The following UPP1 variants were observed in gnomAD, a reference collection of about 807,000 sequenced individuals.
UPP1 encodes uridine phosphorylase 1.
UPP1 carries 25 observed loss-of-function variants against 29.6 expected under a neutral mutation model. That is an observed-to-expected ratio of 0.85 (90% confidence interval 0.62 to 1.18). The LOEUF is 1.18. UPP1 is among the 50% of genes most tolerant of loss of function. The pLI, the probability that UPP1 is intolerant of heterozygous loss-of-function variation, is 0.00. For synonymous variants in UPP1, 165 were observed against 159.8 expected, an observed-to-expected ratio of 1.03 and a Z score of -0.25; for missense variants, 368 against 410.4, an observed-to-expected ratio of 0.90 and a Z score of 0.89.
In UPP1 at chr7:48,092,227, T is replaced by TA. The variant is rs1791877991; in HGVS notation, c.-22+1864dup. 2.6e-5 allele frequency among the ~76,000 whole-genome samples: 4 copies of TA among 152,222 alleles called. No homozygotes were observed. In the South Asian group the frequency reaches 8.3e-4, roughly 32 times the overall value. ...GCACATTCTTCAGAGGAGCCACTCT[T>TA]ACGGGGGAATGTTCCTGCCCCACAG... On this transcript the variant is annotated intron_variant, in intron 2 of 8. Coordinates refer to ENST00000395564, the MANE Select transcript of UPP1 (RefSeq NM_003364.4).
chr7:48,101,590 G>A (rs1343580830), intron 4 of UPP1, among the ~76,000 whole-genome samples: 3 of 152,294 alleles, frequency 2.0e-5, no homozygotes, highest in Non-Finnish European at 2.9e-5. Flanking sequence ...GGATTCCTGC[G>A]TTTGTGGAGC....
Position 48,107,345 on chromosome 7 carries a change from TCCATGTGTG to T in UPP1, c.647-13_647-5del. ...CTCACATGCATGTGGTTCTCATGTC[TCCATGTGTG>T]CCTCAGGGCAAGGCCGTCTGGATGG... On this transcript the variant is annotated splice_region_variant and splice_polypyrimidine_tract_variant and intron_variant, in intron 7 of 8. Transcript: ENST00000395564. 1 of 1,603,946 alleles carries T rather than the reference TCCATGTGTG, an allele frequency of 6.2e-7. No homozygotes were observed. The highest frequency in any genetic ancestry group is 1.1e-5 in the South Asian group (1 of 90,154).
At chr7:48,100,067 C>T (rs1357828835) in intron 4 of UPP1, among the ~76,000 whole-genome samples, 2 of 152,168 alleles carry the variant, frequency 1.3e-5, no homozygotes, top group Non-Finnish European at 2.9e-5. Flanking sequence ...GAAATGCAGC[C>T]TTAGGTATTT....
intron 3 of UPP1, among the ~76,000 whole-genome samples, chr7:48,098,646 T>A (rs1792253833): frequency 6.6e-6 from 1 of 152,214 alleles, no homozygotes. Flanking sequence ...TTGCCTCTCT[T>A]GTGTCTTTTT....
chr7:48,090,221 G>T lies in UPP1; in HGVS notation c.-165G>T, dbSNP rs1029925603. The T allele has an allele frequency of 6.6e-6, 1 of 152,186 alleles. No homozygotes were observed. The highest frequency in any genetic ancestry group is 1.5e-5 in the Non-Finnish European group (1 of 68,036). The allele number at this position is 152,186 out of a possible 1,614,324, so 9.4% of individuals were successfully genotyped here. A position where few individuals can be genotyped will look rare whatever the true frequency, so the allele number is the denominator to read the frequency against. On this transcript the variant is annotated 5_prime_UTR_variant, in exon 2 of 9. Coordinates refer to ENST00000395564, the MANE Select transcript of UPP1 (RefSeq NM_003364.4). ...GAAGCGAGGAACTCCGCAGCTCGTC[G>T]ACACGTCTCGTCTCCTGTCCCAATT...
upstream of UPP1, chr7:48,088,961 A>T (rs7458962): frequency 0.5 from 75,667 of 152,218 alleles, 19,550 homozygotes; most frequent in South Asian, 0.64. Context: ...CTGTTTAATG[A>T]GTAACAGAAC....
chr7:48,102,918 G>C (rs1792510962), intron 5 of UPP1, among the ~76,000 whole-genome samples: 1 of 152,168 alleles, frequency 6.6e-6, no homozygotes, highest in Non-Finnish European at 1.5e-5. Context: ...AGGGAGAAAA[G>C]AGAAAGGAGA....
intron 1 of UPP1, 47 bp from the exon 2 acceptor site, chr7:48,090,141 T>G (rs2128806586): frequency 6.6e-6 from 1 of 151,918 alleles, no homozygotes; most frequent in East Asian, 1.9e-4. Context: ...GGGAAGGGGG[T>G]CCCTTCACGA....
intron 5 of UPP1, among the ~76,000 whole-genome samples, chr7:48,102,891 T>A (rs1196771800): frequency 6.6e-6 from 1 of 152,178 alleles, no homozygotes; most frequent in African/African-American, 2.4e-5. Flanking sequence ...ACTTAGTTTG[T>A]CTGAAGCAGA....
chr7:48,091,879 G>T (rs1317645109), intron 2 of UPP1, among the ~76,000 whole-genome samples: 1 of 152,186 alleles, frequency 6.6e-6, no homozygotes, highest in East Asian at 1.9e-4. Flanking sequence ...TGTGGCCTTG[G>T]TTTCTCTGGT....
Position 48,101,952 on chromosome 7 carries a change from G to A in UPP1, c.291G>A (p.Met97Ile). Residue 97 changes from methionine to isoleucine, a missense_variant, in exon 5 of 9, where the codon ATG becomes ATA. Coordinates refer to ENST00000395564, the MANE Select transcript of UPP1 (RefSeq NM_003364.4). ...GTGCGGGAACTGACCGCTATGCCAT[G>A]TATAAAGTAGGACCGGTGCTGTCTG... ...NICAGTDRYA[M>I]YKVGPVLSVS... is the part of the protein sequence containing the mutation. 1.2e-6 allele frequency: 2 copies of A among 1,613,978 alleles called. No individual in the cohort carries two copies. The highest frequency in any genetic ancestry group is 1.7e-6 in the Non-Finnish European group (2 of 1,179,942).
Position 48,099,751 on chromosome 7 carries a change from C to T in UPP1, c.126C>T (p.Ser42=), listed in dbSNP as rs766185557. The T allele has an allele frequency of 3.1e-6, 5 of 1,613,482 alleles. No homozygotes were observed. The highest frequency in any genetic ancestry group is 4.2e-6 in the Non-Finnish European group (5 of 1,179,400). The change falls in exon 4 of 9, where the codon AGC becomes AGT. Residue 42 remains serine, a synonymous_variant. Transcript: ENST00000395564. ...TCTATCATTTCAATCTCACCACTAG[C>T]AGACACAATTTCCCAGCCTTGTTTG... is the stretch of plus-strand genomic sequence containing the variant. The part of the protein sequence containing the change: ...DILYHFNLTT[S]RHNFPALFGD...
At chr7:48,107,715 T>C (rs556941799) in intron 8 of UPP1, among the ~76,000 whole-genome samples, 1 of 152,332 alleles carries the variant, frequency 6.6e-6, no homozygotes, top group South Asian at 2.1e-4. Flanking sequence ...AATGCAGGAT[T>C]CTCAGTGACC....
In UPP1 at chr7:48,094,752, T is replaced by G. The variant is rs1245379599; in HGVS notation, c.-21-11T>G. On this transcript the variant is annotated splice_polypyrimidine_tract_variant and intron_variant, in intron 2 of 8. Coordinates refer to ENST00000395564, the MANE Select transcript of UPP1 (RefSeq NM_003364.4). The stretch of plus-strand genomic sequence containing the variant: ...GTGGATTCACTCCATTCTGTGATTT[T>G]TTTTCCTTAGGGTCCTGCCTCAGTT... The G allele has an allele frequency of 6.2e-7, 1 of 1,614,134 alleles. No homozygotes were observed.
Position 48,094,764 on chromosome 7 carries a change from G to T in UPP1, c.-20G>T. The stretch of plus-strand genomic sequence containing the variant: ...CATTCTGTGATTTTTTTTCCTTAGG[G>T]TCCTGCCTCAGTTGGCGGAATGGCG... On this transcript the variant is annotated splice_region_variant and 5_prime_UTR_variant, in exon 3 of 9. Coordinates refer to ENST00000395564, the MANE Select transcript of UPP1 (RefSeq NM_003364.4). 6.2e-7 allele frequency: 1 copy of T among 1,613,862 alleles called. No homozygotes were observed. Among genetic ancestry groups the T allele is most frequent in the East Asian group, 2.2e-5 (1 of 44,872 alleles).
Position 48,101,827 on chromosome 7 carries a change from G to A in UPP1, c.166G>A (p.Val56Met), listed in dbSNP as rs778994375. 5.0e-6 allele frequency: 8 copies of A among 1,613,664 alleles called. No individual in the cohort carries two copies. In the Admixed American group the frequency reaches 1.3e-4, roughly 27 times the overall value. ...FPALFGDVKF[V>M]CVGGSPSRMK... is the part of the protein sequence containing the mutation. ...GGTCTCTCTTCTCTGGCTGCAGTTT[G>A]TGTGTGTTGGTGGAAGCCCCTCCCG... The change falls in exon 5 of 9, where the codon GTG becomes ATG. Residue 56 changes from valine (V) to methionine (M), a missense_variant. Transcript: ENST00000395564.
chr7:48,108,441 A>T lies in UPP1; in HGVS notation c.*84A>T. 1.4e-6 allele frequency: 2 copies of T among 1,467,400 alleles called. No homozygotes were observed. The highest frequency in any genetic ancestry group is 1.8e-6 in the Non-Finnish European group (2 of 1,084,280). The allele number at this position is 1,467,400 out of a possible 1,614,324, so 90.9% of individuals were successfully genotyped here. A position where few individuals can be genotyped will look rare whatever the true frequency, so the allele number is the denominator to read the frequency against. ...AAAATCCCCTGTTGTGTGGACTTTGAGCACACTTTACACAAGAATCTAGAA... is the reference window on the plus strand; with the variant it reads ...AAAATCCCCTGTTGTGTGGACTTTGTGCACACTTTACACAAGAATCTAGAA... On this transcript the variant is annotated 3_prime_UTR_variant, in exon 9 of 9. Coordinates refer to ENST00000395564, the MANE Select transcript of UPP1 (RefSeq NM_003364.4).
intron 2 of UPP1, 134 bp from the exon 3 acceptor site, chr7:48,094,629 C>G: frequency 1.4e-6 from 1 of 707,568 alleles, no homozygotes; most frequent in Non-Finnish European, 2.5e-6. Flanking sequence ...ATTTCTCACA[C>G]AATTCACACA....
At chr7:48,091,400 T>A (rs1227127064) in intron 2 of UPP1, among the ~76,000 whole-genome samples, 1 of 151,908 alleles carries the variant, frequency 6.6e-6, no homozygotes, top group Admixed American at 6.6e-5. Flanking sequence ...AGGTTTAGGA[T>A]TTCCCTGGGA....
Sources: gnomAD v4.1 joint callset for allele counts (sites outside exome capture counted in the v4.1 genomes callset) on GRCh38, gnomAD v4.1.1 for gene constraint, MANE v1.5 for transcripts, NCBI Gene and HGNC (gene_info 2026-07-23, HGNC 2026-07-21) for gene names.